Variants in GRK7 observed in about 807,000 individuals in gnomAD.
GRK7 encodes the protein rhodopsin kinase GRK7.
Under a neutral mutation model 34.1 loss-of-function variants are expected in GRK7, and 24 were observed. That is an observed-to-expected ratio of 0.70 (90% CI 0.51 to 0.99). The LOEUF is 0.99. GRK7 is among the 50% of genes least tolerant of loss of function. GRK7 has a pLI of 0.00. For missense variants in GRK7, 644 were observed against 707.3 expected (o/e 0.91, Z 1.02); for synonymous variants, 256 against 279.4 (o/e 0.92, Z 0.84).
At chr3:141,787,064 A>T (rs1252997345) in intron 4 of GRK7, among the ~76,000 whole-genome samples, 2 of 152,156 alleles carry the variant, frequency 1.3e-5, no homozygotes, top group African/African-American at 4.8e-5. Flanking sequence ...GAATTCTGCC[A>T]TCACCACATA....
chr3:141,780,918 G>T lies in GRK7; in HGVS notation c.1050+107G>T, dbSNP rs545206909. The T allele has an allele frequency of 4.2e-5, 44 of 1,050,018 alleles. No individual in the cohort carries two copies. The South Asian group carries it at 5.2e-4, about 12-fold the overall frequency. 65.0% of individuals were successfully genotyped at this position (1,050,018 alleles called of 1,614,324 possible). Reference sequence around the variant, plus strand: ...TAGAGCCTTGGACTTAATTCTTTTGGTTTTTTTTCCTAAAGCGCTTACGTT... The same window carrying T: ...TAGAGCCTTGGACTTAATTCTTTTGTTTTTTTTTCCTAAAGCGCTTACGTT... On this transcript the variant is annotated intron_variant, in intron 4 of 5. Transcript: ENST00000682958.
rs188425019 is a variant in GRK7 at position 141,817,131 on chromosome 3, T to A, written c.*81T>A. On this transcript the variant is annotated 3_prime_UTR_variant, in exon 6 of 6. Coordinates refer to ENST00000682958, the MANE Select transcript of GRK7 (RefSeq NM_139209.3). Reference sequence around the variant, plus strand: ...GTTCCACACGTGGAAATCTGTGGAATGAGGGCTAATCAGTTAGGAGGGACA... The same window carrying A: ...GTTCCACACGTGGAAATCTGTGGAAAGAGGGCTAATCAGTTAGGAGGGACA... 5.4e-6 allele frequency: 6 copies of A among 1,111,802 alleles called. No individual in the cohort carries two copies. In the East Asian group the frequency reaches 1.4e-4, roughly 26 times the overall value. The allele number at this position is 1,111,802 out of a possible 1,614,324, so 68.9% of individuals were successfully genotyped here.
At position 141,765,595 on chromosome 3, in the gene GRK7, T is replaced by A. The variant is rs2107869974; in HGVS notation, c.-358T>A. ...ATCTTGCAGCTTCTGCCTTCACCCT[T>A]TTGGAAAACTGCTCTGAGGCCATCA... On this transcript the variant is annotated 5_prime_UTR_variant, in exon 1 of 6. Transcript: ENST00000682958. 6.6e-6 allele frequency among the ~76,000 whole-genome samples: 1 copy of A among 152,070 alleles called. No individual in the cohort carries two copies. The highest frequency in any genetic ancestry group is 2.1e-4 in the South Asian group (1 of 4,808).
chr3:141,783,272 A>AAAAT (rs1405605798), intron 4 of GRK7, among the ~76,000 whole-genome samples: 2 of 152,238 alleles, frequency 1.3e-5, no homozygotes, highest in African/African-American at 4.8e-5. Flanking sequence ...GACATTCTTG[A>AAAAT]AAATTCTTTG....
chr3:141,817,912 G>A lies in GRK7; in HGVS notation c.*862G>A, dbSNP rs556786661. ...CAGAAGCTCCCCAGGTGATTCTAAT[G>A]TGCAGCAGAGTTTGGCAGGCACTGC... On this transcript the variant is annotated 3_prime_UTR_variant, in exon 6 of 6. Coordinates refer to ENST00000682958, the MANE Select transcript of GRK7 (RefSeq NM_139209.3). 57 of 152,342 alleles carry A rather than the reference G, an allele frequency of 3.7e-4. No individual in the cohort carries two copies. The highest frequency in any genetic ancestry group is 1.3e-3 in the African/African-American group (55 of 41,568). The allele number at this position is 152,342 out of a possible 1,614,324, so 9.4% of individuals were successfully genotyped here. A position where few individuals can be genotyped will look rare whatever the true frequency, so the allele number is the denominator to read the frequency against.
rs1711051730 is a variant in GRK7 at position 141,807,797 on chromosome 3, G to A, written c.1203G>A (p.Glu401=). 2.5e-6 allele frequency: 4 copies of A among 1,614,038 alleles called. No individual in the cohort carries two copies. Among genetic ancestry groups the A allele is most frequent in the Non-Finnish European group, 3.4e-6 (4 of 1,180,026 alleles). ...ATTACAAGGAAAAGGTCAGTAAAGAGGATCTGAAGCAAAGAACTCTGCAAG... is the reference window on the plus strand; with the variant it reads ...ATTACAAGGAAAAGGTCAGTAAAGAAGATCTGAAGCAAAGAACTCTGCAAG... ...FKDYKEKVSK[E]DLKQRTLQDE... Residue 401 remains glutamate, a synonymous_variant, in exon 5 of 6, where the codon GAG becomes GAA. Coordinates refer to ENST00000682958, the MANE Select transcript of GRK7 (RefSeq NM_139209.3).
In GRK7 at chr3:141,814,473, G is replaced by A. The variant is rs565548730; in HGVS notation, c.1326-2241G>A. Among the ~76,000 whole-genome samples the A allele has an allele frequency of 5.3e-5, 8 of 152,162 alleles. No homozygotes were observed. The South Asian group carries it at 1.5e-3, about 28-fold the overall frequency. ...CTCCCACTTATAAGTGAAAACATGC[G>A]GTACTTGGTTTTCTGTTTCTATGTT... is the stretch of plus-strand genomic sequence containing the variant. On this transcript the variant is annotated intron_variant, in intron 5 of 5. Coordinates refer to ENST00000682958, the MANE Select transcript of GRK7 (RefSeq NM_139209.3).
the GRK7 span, among the ~76,000 whole-genome samples, chr3:141,752,675 CT>C: frequency 1.2e-4 from 18 of 152,208 alleles, no homozygotes; most frequent in African/African-American, 4.3e-4. Context: ...TGCAAAAACC[CT>C]TCCTATTATT....
At chr3:141,787,166 C>G (rs2084700436) in intron 4 of GRK7, among the ~76,000 whole-genome samples, 1 of 152,174 alleles carries the variant, frequency 6.6e-6, no homozygotes, top group Admixed American at 6.5e-5. Flanking sequence ...CCAAAGAGCC[C>G]TGCCATGCTG....
intron 4 of GRK7, among the ~76,000 whole-genome samples, chr3:141,787,163 G>T (rs1317089225): frequency 1.3e-5 from 2 of 152,192 alleles, no homozygotes; most frequent in Admixed American, 1.3e-4. Flanking sequence ...TGACCAAAGA[G>T]CCCTGCCATG....
Position 141,807,013 on chromosome 3 carries a change from A to C in GRK7, c.1051-632A>C, listed in dbSNP as rs555502026. ...ATCATTTGGCATATATTGTCAGTAGAAGTGTGCCTATAATACATAGTCATG... is the reference window on the plus strand; with the variant it reads ...ATCATTTGGCATATATTGTCAGTAGCAGTGTGCCTATAATACATAGTCATG... On this transcript the variant is annotated intron_variant, in intron 4 of 5. Coordinates refer to ENST00000682958, the MANE Select transcript of GRK7 (RefSeq NM_139209.3). Among the ~76,000 whole-genome samples the C allele has an allele frequency of 3.5e-4, 53 of 152,222 alleles. 1 individual carries two copies. The South Asian group carries it at 0.011, about 30-fold the overall frequency.
intron 4 of GRK7, among the ~76,000 whole-genome samples, chr3:141,791,746 G>A (rs566391004): frequency 6.6e-6 from 1 of 152,304 alleles, no homozygotes; most frequent in South Asian, 2.1e-4. Context: ...GCTCATGCCT[G>A]TAATCCCAGC....
chr3:141,764,299 T>C lies in GRK7; in HGVS notation c.-1654T>C, dbSNP rs1191936249. 6.6e-6 allele frequency among the ~76,000 whole-genome samples: 1 copy of C among 152,040 alleles called. No homozygotes were observed. The highest frequency in any genetic ancestry group is 1.5e-5 in the Non-Finnish European group (1 of 67,994). On this transcript the variant is annotated 5_prime_UTR_variant, in exon 1 of 6. Transcript: ENST00000682958. Reference sequence around the variant, plus strand: ...ACCCTTAAGCAAGACTCCTCAAGAGTAGCTTACACTAGCTGCCTCCAATTC... The same window carrying C: ...ACCCTTAAGCAAGACTCCTCAAGAGCAGCTTACACTAGCTGCCTCCAATTC...
At chr3:141,783,526 G>T (rs1394533490) in intron 4 of GRK7, among the ~76,000 whole-genome samples, 2 of 152,218 alleles carry the variant, frequency 1.3e-5, no homozygotes, top group African/African-American at 2.4e-5. Context: ...TGTGGTCAAA[G>T]TGTCAAGTGT....
At chr3:141,810,895 A>G (rs1577928062) in intron 5 of GRK7, among the ~76,000 whole-genome samples, 2 of 152,106 alleles carry the variant, frequency 1.3e-5, no homozygotes, top group South Asian at 4.1e-4. Flanking sequence ...TACCCTCATG[A>G]TCTTCAAGTT....
At chr3:141,807,947 G>A in intron 5 of GRK7, 28 bp downstream of exon 5, 2 of 1,544,456 alleles carry the variant, frequency 1.3e-6, no homozygotes, top group Non-Finnish European at 8.7e-7. Flanking sequence ...AGAGAGGATT[G>A]CTGACACCAG....
At chr3:141,788,500 C>T (rs1209693793) in intron 4 of GRK7, among the ~76,000 whole-genome samples, 1 of 152,164 alleles carries the variant, frequency 6.6e-6, no homozygotes, top group African/African-American at 2.4e-5. Context: ...TAAAATGGGG[C>T]TGTCCTCAGT....
chr3:141,774,905 G>A (rs778366355), intron 2 of GRK7, among the ~76,000 whole-genome samples: 2 of 151,864 alleles, frequency 1.3e-5, no homozygotes, highest in Non-Finnish European at 2.9e-5. Context: ...CGATTCTCCT[G>A]CCTCAGCCTC....
At chr3:141,752,740 G>C in the GRK7 span, among the ~76,000 whole-genome samples, 10 of 152,140 alleles carry the variant, frequency 6.6e-5, no homozygotes. Context: ...TACATAACCT[G>C]CTGCCATGGA....
Sources: gnomAD v4.1 joint callset for allele counts (sites outside exome capture counted in the v4.1 genomes callset) on GRCh38, gnomAD v4.1.1 for gene constraint, MANE v1.5 for transcripts, NCBI Gene and HGNC (gene_info 2026-07-23, HGNC 2026-07-21) for gene names.